The following NEBL variants were observed in gnomAD, a reference collection of about 807,000 sequenced individuals.
The protein encoded by NEBL is LIM and SH3 protein 2.
In NEBL, 122 loss-of-function variants were observed where a neutral mutation model predicts 140.2. The ratio of observed to expected loss-of-function variants is 0.87; its 90% CI spans 0.75 to 1.01. The LOEUF (loss-of-function observed/expected upper bound fraction) is 1.01. Ranked by LOEUF, NEBL falls within the 50% of genes least tolerant of loss-of-function variation. The pLI is 0.00. For missense variants in NEBL, 1,365 were observed against 1,231.3 expected, an observed-to-expected ratio of 1.11 and a Z score of -1.62; for synonymous variants, 436 against 398.9, an observed-to-expected ratio of 1.09 and a Z score of -1.11.
intron 4 of NEBL, among the ~76,000 whole-genome samples, chr10:20,942,078 G>GA (rs1295661544): frequency 6.6e-6 from 1 of 152,104 alleles, no homozygotes; most frequent in Non-Finnish European, 1.5e-5. Context: ...CACAGAATTG[G>GA]AAAAAACTAC....
chr10:21,187,816 A>C (rs1415014262), intron 3 of NEBL, among the ~76,000 whole-genome samples: 1 of 152,046 alleles, frequency 6.6e-6, no homozygotes, highest in Non-Finnish European at 1.5e-5. Flanking sequence ...ACCTGGCCAC[A>C]CCTTGTTAAG....
At chr10:21,259,139 G>T (rs1297363322) in intron 1 of NEBL, among the ~76,000 whole-genome samples, 2 of 151,568 alleles carry the variant, frequency 1.3e-5, no homozygotes, top group African/African-American at 4.9e-5. Context: ...CCAGGCTGGA[G>T]TGCAGTGGCA....
Position 21,126,124 on chromosome 10 carries a change from C to T in NEBL, c.164+46259G>A, listed in dbSNP as rs1205227017. The T allele has an allele frequency of 1.9e-6, 3 of 1,605,144 alleles. No homozygotes were observed. In the Admixed American group the frequency reaches 5.0e-5, roughly 27 times the overall value. ...GGCTCTCCGTTCTGCCTTACCAGGC[C>T]TATGGGATAAAGTGCAGCTGTCCGT... On this transcript the variant is annotated intron_variant, in intron 2 of 6. Coordinates refer to the NEBL transcript ENST00000417816.
At chr10:20,907,677 C>A (rs930096909) in intron 4 of NEBL, among the ~76,000 whole-genome samples, 20 of 151,948 alleles carry the variant, frequency 1.3e-4, no homozygotes, top group African/African-American at 4.6e-4. Flanking sequence ...ATGAAAAGAA[C>A]CTAAGTTTCA....
intron 18 of NEBL, among the ~76,000 whole-genome samples, chr10:20,824,443 G>T (rs1839645405): frequency 6.6e-6 from 1 of 152,174 alleles, no homozygotes; most frequent in Non-Finnish European, 1.5e-5. Context: ...TAAATTGGAA[G>T]TTCACTGAGA....
At chr10:20,929,601 A>G (rs1462340159) in intron 4 of NEBL, among the ~76,000 whole-genome samples, 8 of 152,306 alleles carry the variant, frequency 5.3e-5, no homozygotes, top group Admixed American at 3.9e-4. Context: ...ATATCTCTTC[A>G]GCAATGTGGA....
intron 4 of NEBL, among the ~76,000 whole-genome samples, chr10:20,887,892 A>T (rs996865280): frequency 2.0e-5 from 3 of 152,228 alleles, no homozygotes; most frequent in Admixed American, 2.0e-4. Context: ...AGAAAACAGT[A>T]CCATGTGACT....
chr10:20,898,573 G>A (rs536553546), upstream of NEBL, among the ~76,000 whole-genome samples: 3 of 152,140 alleles, frequency 2.0e-5, no homozygotes, highest in East Asian at 1.9e-4. Context: ...AGATTCTGGG[G>A]GAAAAAAGCA....
At chr10:21,123,669 C>A (rs1387528391) in intron 2 of NEBL, among the ~76,000 whole-genome samples, 1 of 151,800 alleles carries the variant, frequency 6.6e-6, no homozygotes, top group Non-Finnish European at 1.5e-5. Flanking sequence ...GCATCTTCAA[C>A]TTCATCCAGT....
intron 4 of NEBL, among the ~76,000 whole-genome samples, chr10:20,922,648 T>C (rs1209030009): frequency 3.3e-5 from 5 of 152,160 alleles, no homozygotes; most frequent in African/African-American, 1.2e-4. Context: ...TAACGCAATG[T>C]AGGATAACTT....
chr10:20,956,151 G>A (rs1333353439), intron 4 of NEBL, among the ~76,000 whole-genome samples: 1 of 152,146 alleles, frequency 6.6e-6, no homozygotes, highest in Non-Finnish European at 1.5e-5. Context: ...CCAGGTGTAA[G>A]GGAAACCACA....
intron 1 of NEBL, among the ~76,000 whole-genome samples, chr10:21,172,710 TGGACGAAC>T (rs1302105483): frequency 2.0e-5 from 3 of 152,250 alleles, no homozygotes; most frequent in East Asian, 3.9e-4. Flanking sequence ...AGACGCACCA[TGGACGAAC>T]TGTCAAGGTT....
At chr10:20,935,837 A>G (rs1446515300) in intron 4 of NEBL, among the ~76,000 whole-genome samples, 1 of 152,156 alleles carries the variant, frequency 6.6e-6, no homozygotes, top group Non-Finnish European at 1.5e-5. Context: ...CCTTCAATAC[A>G]TGAGAATCAT....
At position 20,783,703 on chromosome 10, in the gene NEBL, A is replaced by G. The variant is rs1299903845; in HGVS notation, c.*2044T>C. On this transcript the variant is annotated 3_prime_UTR_variant, in exon 28 of 28. Transcript: ENST00000377122. ...CTGGGTGAAATGTAAATATATACTT[A>G]GTAAAATAAAATTGAGCAGGTATTT... The G allele has an allele frequency of 2.0e-5, 3 of 152,654 alleles. No individual in the cohort carries two copies. The highest frequency in any genetic ancestry group is 1.3e-4 in the Admixed American group (2 of 15,282). 9.5% of individuals were successfully genotyped at this position (152,654 alleles called of 1,614,324 possible).
intron 24 of NEBL, 22 bp downstream of exon 24, chr10:20,812,747 C>T (rs767395228): frequency 1.9e-6 from 3 of 1,613,510 alleles, no homozygotes; most frequent in Non-Finnish European, 2.5e-6. Context: ...CACACACCGG[C>T]CGACAAACGC....
chr10:20,976,151 A>G (rs1315599910), intron 3 of NEBL, among the ~76,000 whole-genome samples: 2 of 151,898 alleles, frequency 1.3e-5, no homozygotes, highest in African/African-American at 4.8e-5. Flanking sequence ...CCTAGCCAAC[A>G]TGGTGAAACC....
Position 20,840,790 on chromosome 10 carries a change from T to G in NEBL, c.1287A>C (p.Ser429=), listed in dbSNP as rs759895408. 3.1e-6 allele frequency: 5 copies of G among 1,611,832 alleles called. No homozygotes were observed. In the African/African-American group the frequency reaches 6.7e-5, roughly 22 times the overall value. Residue 429 remains serine (S), a synonymous_variant, in exon 13 of 28, where the codon TCA becomes TCC. Coordinates refer to ENST00000377122, the MANE Select transcript of NEBL (RefSeq NM_006393.3). ...EIKGKGMELN[S]EVLDIQRAKR... is the part of the protein sequence containing the mutation. Reference sequence around the variant, plus strand: ...TTGCTCTTTGGATATCAAGAACTTCTGAATTAAGTTCCATTCCTTTCCCTT... The same window carrying G: ...TTGCTCTTTGGATATCAAGAACTTCGGAATTAAGTTCCATTCCTTTCCCTT...
intron 4 of NEBL, among the ~76,000 whole-genome samples, chr10:20,961,171 C>T (rs1315311460): frequency 6.6e-6 from 1 of 152,096 alleles, no homozygotes; most frequent in Non-Finnish European, 1.5e-5. Context: ...TTTGAGGAAA[C>T]TATATTAATA....
At chr10:21,010,686 A>G (rs1838304329) in intron 3 of NEBL, among the ~76,000 whole-genome samples, 1 of 152,260 alleles carries the variant, frequency 6.6e-6, no homozygotes, top group Admixed American at 6.5e-5. Context: ...GAGTTACTCT[A>G]CTTCTACATA....
Sources: gnomAD v4.1 joint callset for allele counts (sites outside exome capture counted in the v4.1 genomes callset) on GRCh38, gnomAD v4.1.1 for gene constraint, MANE v1.5 for transcripts, NCBI Gene and HGNC (gene_info 2026-07-23, HGNC 2026-07-21) for gene names.